Variants in FOXN3 observed in about 807,000 individuals in gnomAD.
The protein encoded by FOXN3 is forkhead box protein N3.
In FOXN3, 7 loss-of-function variants were observed where a neutral mutation model predicts 38.4. The observed-to-expected ratio is 0.18, with a 90% CI of 0.10 to 0.34. The LOEUF (loss-of-function observed/expected upper bound fraction) is 0.34. FOXN3 is among the 10% of genes least tolerant of loss of function. The pLI, the probability that FOXN3 is intolerant of heterozygous loss-of-function variation, is 1.00. For missense variants in FOXN3, 456 were observed against 613.4 expected (o/e 0.74, Z 2.71); for synonymous variants, 230 against 242.2 (o/e 0.95, Z 0.47).
intron 2 of FOXN3, among the ~76,000 whole-genome samples, chr14:89,406,776 T>TAAA (rs34914582): frequency 4.7e-5 from 7 of 148,042 alleles, no homozygotes; most frequent in Non-Finnish European, 6.0e-5. Context: ...GAGGAAAGGT[T>TAAA]AAAAAAAAAA....
chr14:89,272,711 C>T lies in FOXN3; in HGVS notation c.745+8239G>A, dbSNP rs139814929. Among the ~76,000 whole-genome samples the T allele has an allele frequency of 5.7e-4, 87 of 152,134 alleles. No individual in the cohort carries two copies. The East Asian group carries it at 0.016, about 28-fold the overall frequency. The stretch of plus-strand genomic sequence containing the variant: ...TTACTAAGAATACAAAAATTAGCCG[C>T]GCATGGTGGCGCACGCCTGTAGTCC... On this transcript the variant is annotated intron_variant, in intron 4 of 5. Coordinates refer to ENST00000557258, the MANE Select transcript of FOXN3 (RefSeq NM_005197.4).
chr14:89,496,028 C>A (rs920164454), intron 1 of FOXN3, among the ~76,000 whole-genome samples: 1 of 152,090 alleles, frequency 6.6e-6, no homozygotes, highest in African/African-American at 2.4e-5. Flanking sequence ...GCTTGGCCAA[C>A]GTGGTAAAAT....
rs538642258 is a variant in FOXN3 at position 89,352,384 on chromosome 14, C to T, written c.544-1576G>A. ...TCTGCCCTGGAAGCTTCATCCCTTC[C>T]TTTGGAAAAGAGCTGTGCAGAAGAA... On this transcript the variant is annotated intron_variant, in intron 2 of 5. Coordinates refer to ENST00000557258, the MANE Select transcript of FOXN3 (RefSeq NM_005197.4). 2.9e-4 allele frequency among the ~76,000 whole-genome samples: 44 copies of T among 152,314 alleles called. 1 individual carries two copies. The South Asian group carries it at 8.7e-3, about 30-fold the overall frequency.
intron 1 of FOXN3, among the ~76,000 whole-genome samples, chr14:89,493,778 TTC>T (rs1224123091): frequency 6.6e-6 from 1 of 152,116 alleles, no homozygotes; most frequent in Non-Finnish European, 1.5e-5. Context: ...GTTAAAAAGA[TTC>T]TGTTGCACAT....
intron 4 of FOXN3, among the ~76,000 whole-genome samples, chr14:89,227,704 C>A (rs1411099644): frequency 1.3e-5 from 2 of 152,166 alleles, no homozygotes; most frequent in Non-Finnish European, 2.9e-5. Flanking sequence ...AGCACAGTCA[C>A]CCTGAGATTA....
At chr14:89,380,533 T>C (rs1890613843) in intron 2 of FOXN3, among the ~76,000 whole-genome samples, 1 of 152,180 alleles carries the variant, frequency 6.6e-6, no homozygotes, top group Non-Finnish European at 1.5e-5. Context: ...AAGACCTCCA[T>C]GTTGACCATG....
chr14:89,205,734 T>C (rs1888365340), intron 4 of FOXN3, among the ~76,000 whole-genome samples: 1 of 152,306 alleles, frequency 6.6e-6, no homozygotes, highest in South Asian at 2.1e-4. Flanking sequence ...ATGGCAAAAC[T>C]GAAAGAGCGC....
At chr14:89,381,900 G>A (rs545727978) in intron 2 of FOXN3, among the ~76,000 whole-genome samples, 6 of 151,892 alleles carry the variant, frequency 4.0e-5, no homozygotes, top group Non-Finnish European at 5.9e-5. Context: ...AGGGAGGGGC[G>A]GCAATGCCCC....
chr14:89,554,964 T>G (rs529228301), intron 1 of FOXN3, among the ~76,000 whole-genome samples: 1 of 152,138 alleles, frequency 6.6e-6, no homozygotes, highest in South Asian at 2.1e-4. Flanking sequence ...GGTTTTTTTG[T>G]ATTTTTAGTA....
intron 3 of FOXN3, among the ~76,000 whole-genome samples, chr14:89,304,488 T>G (rs1447899015): frequency 1.3e-5 from 2 of 152,102 alleles, no homozygotes; most frequent in Admixed American, 6.5e-5. Flanking sequence ...AAAGAGAACT[T>G]AGACAACAGG....
intron 1 of FOXN3, among the ~76,000 whole-genome samples, chr14:89,472,008 C>A (rs1893104875): frequency 6.6e-6 from 1 of 152,198 alleles, no homozygotes; most frequent in African/African-American, 2.4e-5. Context: ...GTAATCCCAA[C>A]ACTTTGGGAG....
chr14:89,605,703 GT>G (rs1274531082), intron 1 of FOXN3, among the ~76,000 whole-genome samples: 2 of 152,070 alleles, frequency 1.3e-5, no homozygotes, highest in African/African-American at 4.8e-5. Flanking sequence ...AATATATTAT[GT>G]TTTTGTTAAC....
chr14:89,515,663 G>A (rs1894185293), intron 1 of FOXN3, among the ~76,000 whole-genome samples: 2 of 152,304 alleles, frequency 1.3e-5, no homozygotes, highest in African/African-American at 4.8e-5. Context: ...TTGAACCCAG[G>A]AGGTGGAGGT....
chr14:89,272,327 G>A (rs1015164177), intron 4 of FOXN3, among the ~76,000 whole-genome samples: 5 of 151,686 alleles, frequency 3.3e-5, no homozygotes, highest in African/African-American at 7.3e-5. Flanking sequence ...AAAAAGAAGT[G>A]ATGGTTGCAC....
chr14:89,307,057 T>A (rs1887400097), intron 3 of FOXN3, among the ~76,000 whole-genome samples: 1 of 152,186 alleles, frequency 6.6e-6, no homozygotes, highest in Admixed American at 6.5e-5. Context: ...TGATTTTGGA[T>A]TAACTTTAAA....
chr14:89,572,102 G>A (rs1414996281), intron 1 of FOXN3, among the ~76,000 whole-genome samples: 2 of 152,106 alleles, frequency 1.3e-5, no homozygotes, highest in Non-Finnish European at 2.9e-5. Context: ...TATTATTTTA[G>A]CCTTTCGGTA....
In FOXN3 at chr14:89,226,318, T is replaced by G. The variant is rs73323103; in HGVS notation, c.746-45512A>C. 2.7e-3 allele frequency among the ~76,000 whole-genome samples: 415 copies of G among 152,234 alleles called. 2 individuals are homozygous for G. Among genetic ancestry groups the G allele is most frequent in the African/African-American group, 9.5e-3 (393 of 41,550 alleles). ...ATAGCTCACAGTAGCCTCACATTCCTAGGCTTAAGTGATCTTCACACCTCA... is the reference window on the plus strand; with the variant it reads ...ATAGCTCACAGTAGCCTCACATTCCGAGGCTTAAGTGATCTTCACACCTCA... On this transcript the variant is annotated intron_variant, in intron 4 of 5. Transcript: ENST00000557258.
chr14:89,322,791 T>C (rs1476201970), intron 3 of FOXN3, among the ~76,000 whole-genome samples: 2 of 151,914 alleles, frequency 1.3e-5, no homozygotes, highest in Non-Finnish European at 2.9e-5. Context: ...ATGGCAGCTA[T>C]CCAGTTAGAA....
intron 4 of FOXN3, among the ~76,000 whole-genome samples, chr14:89,212,328 A>C (rs568920076): frequency 1.3e-5 from 2 of 152,324 alleles, no homozygotes; most frequent in East Asian, 3.9e-4. Context: ...GGGAAGCTAC[A>C]GTCTTCATCT....
Sources: allele counts gnomAD v4.1 joint callset (sites outside exome capture counted in the v4.1 genomes callset), GRCh38; gene constraint gnomAD v4.1.1; transcripts MANE v1.5; gene names NCBI Gene and HGNC (gene_info 2026-07-23, HGNC 2026-07-21).